SLC8A3: variants seen among roughly 807,000 people sequenced by gnomAD.
SLC8A3 encodes solute carrier family 8 member A3, also known as sodium/calcium exchanger 3.
A neutral mutation model predicts 65.4 loss-of-function variants in SLC8A3; 37 were observed. That is an observed-to-expected ratio of 0.57 (90% CI 0.44 to 0.74). The LOEUF (loss-of-function observed/expected upper bound fraction) is 0.74. SLC8A3 is among the 30% of genes least tolerant of loss of function. The probability of loss-of-function intolerance (pLI) is 0.00; values close to 1 mark genes in which losing one functional copy is unlikely to be tolerated. For missense variants in SLC8A3, 1,112 were observed against 1,172.1 expected (o/e 0.95, Z 0.75); for synonymous variants, 461 against 444.5 (o/e 1.04, Z -0.47).
chr14:70,044,815 A>G lies in SLC8A3; in HGVS notation c.*1132T>C, dbSNP rs755549353. 1 of 152,220 alleles carries G rather than the reference A, an allele frequency of 6.6e-6. No homozygotes were observed. Among genetic ancestry groups the G allele is most frequent in the Non-Finnish European group, 1.5e-5 (1 of 68,030 alleles). 9.4% of individuals were successfully genotyped at this position (152,220 alleles called of 1,614,324 possible). On this transcript the variant is annotated 3_prime_UTR_variant, in exon 7 of 7. Transcript: ENST00000356921. Reference sequence around the variant, plus strand: ...AAGAAATATAGTCAGCCCTCTTTGTATAGAGCATTAGGAAGCAAGAGCGTG... The same window carrying G: ...AAGAAATATAGTCAGCCCTCTTTGTGTAGAGCATTAGGAAGCAAGAGCGTG...
intron 2 of SLC8A3, among the ~76,000 whole-genome samples, chr14:70,081,850 A>G (rs1001878149): frequency 2.0e-5 from 3 of 152,238 alleles, no homozygotes; most frequent in African/African-American, 7.2e-5. Flanking sequence ...TTGAAAGAAC[A>G]GTATGAAAAA....
chr14:70,174,662 G>GTTTTTTTT (rs10527244), intron 1 of SLC8A3, among the ~76,000 whole-genome samples: 2 of 66,510 alleles, frequency 3.0e-5, no homozygotes, highest in African/African-American at 1.0e-4. Flanking sequence ...TTTTTTTTTT[G>GTTTTTTTT]TTTTTTTTTT....
At chr14:70,068,507 A>G (rs999134139) in intron 2 of SLC8A3, among the ~76,000 whole-genome samples, 2 of 152,016 alleles carry the variant, frequency 1.3e-5, no homozygotes, top group African/African-American at 4.8e-5. Context: ...CCTCTTGAGT[A>G]GCTGGGGCCA....
chr14:70,168,245 G>A lies in SLC8A3; in HGVS notation c.178C>T (p.Leu60=), dbSNP rs1897300919. Residue 60 remains leucine (L), a synonymous_variant, in exon 2 of 7, where the codon CTG becomes TTG. Coordinates refer to ENST00000356921, the MANE Select transcript of SLC8A3 (RefSeq NM_182932.3). ...GGGTTCTCCGGGTACCAGATTGGCAGGATGACACCCTCCTTGCAGTCCGAT... is the reference window on the plus strand; with the variant it reads ...GGGTTCTCCGGGTACCAGATTGGCAAGATGACACCCTCCTTGCAGTCCGAT... ...GSSDCKEGVI[L]PIWYPENPSL... The A allele has an allele frequency of 6.2e-7, 1 of 1,614,060 alleles. No homozygotes were observed. Among genetic ancestry groups the A allele is most frequent in the South Asian group, 1.1e-5 (1 of 91,080 alleles).
In SLC8A3 at chr14:70,044,377, T is replaced by TCCC. The variant is rs5809455; in HGVS notation, c.*1567_*1569dup. 1 of 133,640 alleles carries TCCC rather than the reference T, an allele frequency of 7.5e-6. No individual in the cohort carries two copies. The highest frequency in any genetic ancestry group is 2.8e-5 in the African/African-American group (1 of 35,414). The allele number at this position is 133,640 out of a possible 1,614,324, so 8.3% of individuals were successfully genotyped here. A position where few individuals can be genotyped will look rare whatever the true frequency, so the allele number is the denominator to read the frequency against. The stretch of plus-strand genomic sequence containing the variant: ...AATTAACAGGTGTTTTTTAATTTCT[T>TCCC]CCCCCCCCCCCTTAGAAAATGTATT... On this transcript the variant is annotated 3_prime_UTR_variant, in exon 7 of 7. Transcript: ENST00000356921.
intron 2 of SLC8A3, among the ~76,000 whole-genome samples, chr14:70,069,572 CTTGTAGTTTCCTTT>C (rs992786198): frequency 3.4e-4 from 51 of 152,144 alleles, no homozygotes; most frequent in African/African-American, 1.2e-3. Flanking sequence ...CTGGGTTCTT[CTTGTAGTTTCCTTT>C]ATTTTTCCGG....
chr14:70,059,878 G>C (rs1261082372), intron 3 of SLC8A3, among the ~76,000 whole-genome samples: 2 of 152,112 alleles, frequency 1.3e-5, no homozygotes, highest in Non-Finnish European at 2.9e-5. Flanking sequence ...CTTTTCTGGG[G>C]CCCCTGGCTA....
intron 2 of SLC8A3, among the ~76,000 whole-genome samples, chr14:70,139,173 T>C (rs1418849199): frequency 1.3e-5 from 2 of 152,124 alleles, no homozygotes; most frequent in Middle Eastern, 3.4e-3. Context: ...TCCCAGTCTA[T>C]AAAATAGAGG....
chr14:70,158,129 C>T (rs1168720315), intron 2 of SLC8A3, among the ~76,000 whole-genome samples: 1 of 152,014 alleles, frequency 6.6e-6, no homozygotes, highest in African/African-American at 2.4e-5. Flanking sequence ...GCACCTAGAG[C>T]ACAAATAGAG....
At chr14:70,152,499 A>G (rs1190741119) in intron 2 of SLC8A3, among the ~76,000 whole-genome samples, 2 of 41,594 alleles carry the variant, frequency 4.8e-5, no homozygotes, top group African/African-American at 1.2e-4. Context: ...AAACAACAAC[A>G]ACAACAAAAC....
intron 2 of SLC8A3, among the ~76,000 whole-genome samples, chr14:70,135,376 A>G (rs35460978): frequency 0.27 from 40,387 of 152,154 alleles, 5,958 homozygotes; most frequent in East Asian, 0.5. Context: ...TGATCTAGCA[A>G]TCCTACCACT....
At chr14:70,189,326 G>A (rs6573933), upstream of SLC8A3, among the ~76,000 whole-genome samples, 22,854 of 152,198 alleles carry the variant, frequency 0.15, 1,979 homozygotes, top group Middle Eastern at 0.21. Context: ...CCGCCGAGTT[G>A]GGAGCTCCAG....
chr14:70,185,725 C>G (rs1883152544), intron 1 of SLC8A3, among the ~76,000 whole-genome samples: 1 of 152,330 alleles, frequency 6.6e-6, no homozygotes, highest in Non-Finnish European at 1.5e-5. Flanking sequence ...GCCTTGGGGA[C>G]ACAGTTTCCT....
At chr14:70,169,728 G>C (rs1202204044) in intron 1 of SLC8A3, among the ~76,000 whole-genome samples, 1 of 146,444 alleles carries the variant, frequency 6.8e-6, no homozygotes, top group Non-Finnish European at 1.5e-5. Flanking sequence ...TGCTACAACT[G>C]TGTGGGATAC....
At chr14:70,121,223 TC>T (rs1894030098) in intron 2 of SLC8A3, among the ~76,000 whole-genome samples, 1 of 152,066 alleles carries the variant, frequency 6.6e-6, no homozygotes, top group South Asian at 2.1e-4. Context: ...CTTGAAGAGA[TC>T]AGGTCCAGGC....
chr14:70,065,722 A>G (rs1270891206), intron 2 of SLC8A3, among the ~76,000 whole-genome samples: 1 of 152,218 alleles, frequency 6.6e-6, no homozygotes, highest in African/African-American at 2.4e-5. Flanking sequence ...AGTAACAACA[A>G]TCCCAGTTTG....
chr14:70,131,771 G>A (rs1894842182), intron 2 of SLC8A3, among the ~76,000 whole-genome samples: 1 of 152,210 alleles, frequency 6.6e-6, no homozygotes, highest in African/African-American at 2.4e-5. Context: ...TCAGGTTGAA[G>A]TTCAGGGACA....
chr14:70,135,275 C>T lies in SLC8A3; in HGVS notation c.1784+31364G>A, dbSNP rs1895114086. ...GCAAGGATGTGGAGAAAGGAGATGA[C>T]CATATGCTGTTGGTGGGAATGTAAG... On this transcript the variant is annotated intron_variant, in intron 2 of 6. Transcript: ENST00000356921. 4.6e-5 allele frequency among the ~76,000 whole-genome samples: 7 copies of T among 152,070 alleles called. No homozygotes were observed. In the South Asian group the frequency reaches 1.5e-3, roughly 32 times the overall value.
rs1369981248 is a variant in SLC8A3, at chr14:70,046,630, G to A, written c.2390-307C>T. On this transcript the variant is annotated intron_variant, in intron 6 of 6. Transcript: ENST00000356921. The surrounding 1 kb of genome is among the most constrained non-coding windows in gnomAD (Gnocchi z 4.2). ...TCCTTTGACTACTTTTTCAGTAAGG[G>A]AAGTTTGCCATCCCATAATATCTCC... 3.4e-6 allele frequency: 1 copy of A among 294,926 alleles called. No homozygotes were observed. The highest frequency in any genetic ancestry group is 2.1e-5 in the African/African-American group (1 of 47,268). The allele number at this position is 294,926 out of a possible 1,614,324, so 18.3% of individuals were successfully genotyped here.
Sources: gnomAD v4.1 joint callset for allele counts (sites outside exome capture counted in the v4.1 genomes callset) on GRCh38, gnomAD v4.1.1 for gene constraint, Gnocchi (gnomAD v3.1) non-coding constraint, MANE v1.5 for transcripts, NCBI Gene and HGNC (gene_info 2026-07-23, HGNC 2026-07-21) for gene names.